The following UPF2 variants were observed in gnomAD, a reference collection of about 807,000 sequenced individuals.
UPF2 encodes the protein UPF2 regulator of nonsense mediated mRNA decay.
Under a neutral mutation model 141.4 loss-of-function variants are expected in UPF2, and 17 were observed. The observed-to-expected ratio is 0.12, with a 90% CI of 0.08 to 0.18. The LOEUF is 0.18. Among genes scored for constraint, UPF2 ranks in the 10% least tolerant of loss-of-function variants. The pLI is 1.00. For missense variants in UPF2, 1,152 were observed against 1,515.9 expected, an observed-to-expected ratio of 0.76 and a Z score of 3.99; for synonymous variants, 540 against 498.0, an observed-to-expected ratio of 1.08 and a Z score of -1.12.
At chr10:12,040,492 T>C (rs1013156268) in intron 1 of UPF2, among the ~76,000 whole-genome samples, 1 of 152,112 alleles carries the variant, frequency 6.6e-6, no homozygotes, top group African/African-American at 2.4e-5. Context: ...ATAAAACAGA[T>C]TCTCCGTAAA....
In UPF2 at chr10:11,938,868, T is replaced by TTTTTTTTTTTTTTG. The variant is rs1832897231; in HGVS notation, c.3379-2157_3379-2156insCAAAAAAAAAAAAA. Among the ~76,000 whole-genome samples, 109 of 90,838 alleles carry TTTTTTTTTTTTTTG rather than the reference T, an allele frequency of 1.2e-3. 8 individuals carry two copies. The highest frequency in any genetic ancestry group is 1.6e-3 in the Non-Finnish European group (69 of 41,874). 59.6% of individuals were successfully genotyped at this position (90,838 alleles called of 152,430 possible). On this transcript the variant is annotated intron_variant, in intron 18 of 21. Coordinates refer to ENST00000357604, the MANE Select transcript of UPF2 (RefSeq NM_015542.4). The stretch of plus-strand genomic sequence containing the variant: ...TTTTTTTTTTGTTTTTTTTTTTTTT[T>TTTTTTTTTTTTTTG]TTTTTTTTTTTTTTGGAGACGGAGT...
intron 15 of UPF2, among the ~76,000 whole-genome samples, chr10:11,949,498 G>A (rs2131180542): frequency 6.6e-6 from 1 of 152,236 alleles, no homozygotes. Context: ...TCTTACATTT[G>A]ATGATATAGC....
chr10:11,952,349 A>G (rs1389115635), intron 14 of UPF2, 100 bp from the exon 15 acceptor site: 1 of 1,086,612 alleles, frequency 9.2e-7, no homozygotes, highest in Non-Finnish European at 1.3e-6. Context: ...ATAACTACTA[A>G]GCTGAAAGGT....
intron 9 of UPF2, among the ~76,000 whole-genome samples, chr10:11,968,703 A>G (rs528806829): frequency 6.6e-6 from 1 of 152,324 alleles, no homozygotes; most frequent in South Asian, 2.1e-4. Flanking sequence ...ATGCAACAAA[A>G]TCCTGCTGCA....
intron 8 of UPF2, among the ~76,000 whole-genome samples, chr10:11,981,773 C>T (rs1833599540): frequency 6.6e-6 from 1 of 152,142 alleles, no homozygotes; most frequent in African/African-American, 2.4e-5. Context: ...GCAACCTCCG[C>T]CTCCCGGGTT....
At position 11,998,500 on chromosome 10, in the gene UPF2, A is replaced by G. The variant is rs1412974211; in HGVS notation, c.1759-743T>C. 6.6e-6 allele frequency among the ~76,000 whole-genome samples: 1 copy of G among 152,028 alleles called. No individual in the cohort carries two copies. The highest frequency in any genetic ancestry group is 2.4e-5 in the African/African-American group (1 of 41,400). ...CAGGCTCCAGGGATCCTCCTGCCTC[A>G]GCTCCCGGCCAAGCAGCTGAGACTA... On this transcript the variant is annotated intron_variant, in intron 7 of 21. Transcript: ENST00000357604. The surrounding 1 kb of genome is among the most constrained non-coding windows in gnomAD (Gnocchi z 4.5).
rs151227821 is a variant in UPF2, at chr10:11,936,217, A to G, written c.3546+328T>C. ...AAACCTTGTCTCTACTAAAAATACAAAAATTAGCCGGGCGTCATGGTGGAC... is the reference window on the plus strand; with the variant it reads ...AAACCTTGTCTCTACTAAAAATACAGAAATTAGCCGGGCGTCATGGTGGAC... On this transcript the variant is annotated intron_variant, in intron 19 of 21. Transcript: ENST00000357604. This position sits in a 1 kb window ranked among gnomAD's most constrained non-coding sequence, Gnocchi z 6.6. Among the ~76,000 whole-genome samples the G allele has an allele frequency of 3.4e-3, 518 of 152,196 alleles. 2 individuals carry two copies. The highest frequency in any genetic ancestry group is 5.7e-3 in the Non-Finnish European group (391 of 68,004).
At position 11,931,978 on chromosome 10, in the gene UPF2, G is replaced by C. The variant is rs767707902; in HGVS notation, c.3547-196C>G. ...ATCCAGGCCAACATGATGAAACCCC[G>C]TCTTTACTAAAAACACAAAAATTAG... On this transcript the variant is annotated intron_variant, in intron 19 of 21. Coordinates refer to ENST00000357604, the MANE Select transcript of UPF2 (RefSeq NM_015542.4). This position sits in a 1 kb window ranked among gnomAD's most constrained non-coding sequence, Gnocchi z 5.9. Among the ~76,000 whole-genome samples the C allele has an allele frequency of 1.3e-5, 2 of 152,114 alleles. No homozygotes were observed. Among genetic ancestry groups the C allele is most frequent in the East Asian group, 1.9e-4 (1 of 5,174 alleles).
Position 12,040,752 on chromosome 10 carries a change from A to G in UPF2, c.-19+2003T>C, listed in dbSNP as rs186857412. On this transcript the variant is annotated intron_variant, in intron 1 of 21. Coordinates refer to ENST00000357604, the MANE Select transcript of UPF2 (RefSeq NM_015542.4). ...CAGAAATCAGGCAACAACTTCTCTG[A>G]GTCCACTTATTTATCAATAAGATGG... Among the ~76,000 whole-genome samples the G allele has an allele frequency of 2.6e-4, 40 of 152,340 alleles. No homozygotes were observed. In the East Asian group the frequency reaches 6.4e-3, roughly 24 times the overall value.
At chr10:11,974,391 G>A (rs1045963059) in intron 9 of UPF2, among the ~76,000 whole-genome samples, 5 of 152,040 alleles carry the variant, frequency 3.3e-5, no homozygotes, top group Admixed American at 6.6e-5. Flanking sequence ...CCTGATTGCC[G>A]TGGCCAGAAC....
chr10:11,980,798 C>A lies in UPF2; in HGVS notation c.1845-1633G>T. Among the ~76,000 whole-genome samples, 1 of 151,906 alleles carries A rather than the reference C, an allele frequency of 6.6e-6. No individual in the cohort carries two copies. The highest frequency in any genetic ancestry group is 1.5e-5 in the Non-Finnish European group (1 of 67,976). ...ATAATATATGAAAATGTTTGATGGTCAGGGAAAAAAACACATAATTCGATC... is the reference window on the plus strand; with the variant it reads ...ATAATATATGAAAATGTTTGATGGTAAGGGAAAAAAACACATAATTCGATC... On this transcript the variant is annotated intron_variant, in intron 8 of 21. Transcript: ENST00000357604. This position sits in a 1 kb window ranked among gnomAD's most constrained non-coding sequence, Gnocchi z 4.2.
intron 4 of UPF2, among the ~76,000 whole-genome samples, chr10:12,013,636 A>G (rs1834169536): frequency 6.6e-6 from 1 of 152,146 alleles, no homozygotes; most frequent in Admixed American, 6.5e-5. Flanking sequence ...CTATTACACA[A>G]GAACCTGAAT....
chr10:11,949,525 C>G (rs1236858268), intron 15 of UPF2, among the ~76,000 whole-genome samples: 3 of 152,126 alleles, frequency 2.0e-5, no homozygotes, highest in Admixed American at 2.0e-4. Flanking sequence ...TTATTTTTTC[C>G]TAACGATCTC....
At chr10:11,955,738 C>G (rs899819165) in intron 13 of UPF2, among the ~76,000 whole-genome samples, 1 of 152,172 alleles carries the variant, frequency 6.6e-6, no homozygotes, top group African/African-American at 2.4e-5. Context: ...TTAAATTTAG[C>G]TATCATTACA....
intron 20 of UPF2, among the ~76,000 whole-genome samples, chr10:11,930,972 A>G (rs370961160): frequency 9.9e-5 from 15 of 152,224 alleles, no homozygotes; most frequent in Admixed American, 7.9e-4. Context: ...ACGCTAGCCT[A>G]TGAAGTCTCC....
intron 2 of UPF2, among the ~76,000 whole-genome samples, chr10:12,032,631 A>G (rs1834545412): frequency 6.6e-6 from 1 of 151,804 alleles, no homozygotes; most frequent in Non-Finnish European, 1.5e-5. Flanking sequence ...CCAGCTACTC[A>G]AGAGGCAGAG....
Position 11,921,389 on chromosome 10 carries a change from A to G in UPF2, c.3810-82T>C, listed in dbSNP as rs551757395. 1.1e-5 allele frequency: 17 copies of G among 1,563,918 alleles called. No individual in the cohort carries two copies. In the African/African-American group the frequency reaches 2.3e-4, roughly 21 times the overall value. ...CAAGATGGCGTCTGCAACGCTACCC[A>G]CCACCACCAAGTCACTCCCCCAAGT... On this transcript the variant is annotated intron_variant, in intron 21 of 21. Transcript: ENST00000357604. This position sits in a 1 kb window ranked among gnomAD's most constrained non-coding sequence, Gnocchi z 5.9.
chr10:12,034,684 A>T (rs1834590399), intron 2 of UPF2, among the ~76,000 whole-genome samples: 1 of 152,072 alleles, frequency 6.6e-6, no homozygotes, highest in African/African-American at 2.4e-5. Context: ...AGGTGCCTGT[A>T]ATCCCAGCTA....
chr10:11,991,023 C>T (rs910745012), intron 8 of UPF2, among the ~76,000 whole-genome samples: 2 of 146,824 alleles, frequency 1.4e-5, no homozygotes, highest in African/African-American at 5.0e-5. Context: ...CTGTTAATAA[C>T]AAAGCTGAGC....
Sources: allele counts gnomAD v4.1 joint callset (sites outside exome capture counted in the v4.1 genomes callset), GRCh38; gene constraint gnomAD v4.1.1; non-coding constraint Gnocchi (gnomAD v3.1); transcripts MANE v1.5; gene names NCBI Gene and HGNC (gene_info 2026-07-23, HGNC 2026-07-21).